SERPINB12: variants seen among roughly 807,000 people sequenced by gnomAD.
The protein encoded by SERPINB12 is serpin B12.
Under a neutral mutation model 41.1 loss-of-function variants are expected in SERPINB12, and 57 were observed. That is an observed-to-expected ratio of 1.39 (90% CI 1.12 to 1.73). SERPINB12 has a LOEUF of 1.73. SERPINB12 is among the 40% of genes most tolerant of loss of function. The pLI, the probability that SERPINB12 is intolerant of heterozygous loss-of-function variation, is 0.00. For synonymous variants in SERPINB12, 180 were observed against 181.3 expected, an observed-to-expected ratio of 0.99 and a Z score of 0.06; for missense variants, 536 against 501.9, an observed-to-expected ratio of 1.07 and a Z score of -0.65.
the SERPINB12 span, among the ~76,000 whole-genome samples, chr18:63,522,392 CA>C: frequency 1.3e-5 from 2 of 151,158 alleles, no homozygotes; most frequent in African/African-American, 2.4e-5. Context: ...GATCAATCAG[CA>C]AAAAAAAGTA....
chr18:63,528,513 A>G, the SERPINB12 span, among the ~76,000 whole-genome samples: 1 of 152,126 alleles, frequency 6.6e-6, no homozygotes, highest in African/African-American at 2.4e-5. Flanking sequence ...AATTTTGGCC[A>G]TCTTGTGCCT....
upstream of SERPINB12, among the ~76,000 whole-genome samples, chr18:63,538,024 GTATTTAA>G (rs1910207840): frequency 6.6e-6 from 1 of 152,030 alleles, no homozygotes; most frequent in Non-Finnish European, 1.5e-5. Context: ...ATCTACCATA[GTATTTAA>G]TAGGTGCTCA....
chr18:63,527,938 A>T, the SERPINB12 span, among the ~76,000 whole-genome samples: 1 of 151,872 alleles, frequency 6.6e-6, no homozygotes, highest in Non-Finnish European at 1.5e-5. Flanking sequence ...TGTTCTCATG[A>T]TAGTGAATAA....
intron 6 of SERPINB12, among the ~76,000 whole-genome samples, chr18:63,565,194 A>G (rs1259269293): frequency 6.6e-6 from 1 of 152,122 alleles, no homozygotes; most frequent in African/African-American, 2.4e-5. Context: ...CTCAGAAACA[A>G]AAAAGCAAAC....
chr18:63,558,999 CTTCCTTCTTTCTTTCTTTCT>C lies in SERPINB12; in HGVS notation c.303+517_303+536del, dbSNP rs1318928444. 2.4e-3 allele frequency among the ~76,000 whole-genome samples: 276 copies of C among 114,786 alleles called. 7 individuals carry two copies. The highest frequency in any genetic ancestry group is 0.022 in the Admixed American group (243 of 10,998). 75.3% of individuals were successfully genotyped at this position (114,786 alleles called of 152,430 possible). A position where few individuals can be genotyped will look rare whatever the true frequency, so the allele number is the denominator to read the frequency against. On this transcript the variant is annotated intron_variant, in intron 3 of 7. Coordinates refer to ENST00000382768, the MANE Select transcript of SERPINB12 (RefSeq NM_001307928.2). ...ATAGATGATTGTCTTTCTTTCTTTC[CTTCCTTCTTTCTTTCTTTCT>C]TTCTTTCTTTCTTTCTTTCTTTCTT...
the SERPINB12 span, among the ~76,000 whole-genome samples, chr18:63,525,831 C>G: frequency 1.3e-4 from 20 of 152,148 alleles, no homozygotes; most frequent in Non-Finnish European, 2.9e-4. Context: ...CAAGTAAGAA[C>G]TTTAAAGTAA....
rs1338779605 is a variant in SERPINB12, at chr18:63,568,047, T to G, written c.*1036T>G. Among the ~76,000 whole-genome samples, 1 of 152,212 alleles carries G rather than the reference T, an allele frequency of 6.6e-6. No homozygotes were observed. Among genetic ancestry groups the G allele is most frequent in the African/African-American group, 2.4e-5 (1 of 41,454 alleles). On this transcript the variant is annotated 3_prime_UTR_variant, in exon 8 of 8. Transcript: ENST00000382768. The stretch of plus-strand genomic sequence containing the variant: ...CCGAGAGGTCTCATGCCAGACCACA[T>G]GGTGACAACAGGCTTGAGCCTGGGC...
In SERPINB12 at chr18:63,556,299, G is replaced by C; in HGVS notation, c.140G>C (p.Arg47Thr). 1 of 1,614,046 alleles carries C rather than the reference G, an allele frequency of 6.2e-7. No homozygotes were observed. Among genetic ancestry groups the C allele is most frequent in the Non-Finnish European group, 8.5e-7 (1 of 1,179,946 alleles). The change falls in exon 2 of 8, where the codon AGA (arginine) becomes ACA (threonine). Residue 47 changes from arginine (R) to threonine (T), a missense_variant. Coordinates refer to ENST00000382768, the MANE Select transcript of SERPINB12 (RefSeq NM_001307928.2). ...CTTGGTATGGTACGCTTGGGTGCTA[G>C]AAGTGACAGTGCACATCAGATTGAT... Reference protein sequence around the residue: ...AALGMVRLGARSDSAHQIDEV... With the variant: ...AALGMVRLGATSDSAHQIDEV...
Position 63,567,002 on chromosome 18 carries a change from C to T in SERPINB12, c.1269C>T (p.Cys423=). ...CCATTCTCTTTTATGGCAGGGTCTG[C>T]TCTCCTTAAAAGGGGAGCAGTGTCT... ...TQTILFYGRV[C]SP Residue 423 remains cysteine, a synonymous_variant, in exon 8 of 8, where the codon TGC becomes TGT. Transcript: ENST00000382768. 1 of 1,586,872 alleles carries T rather than the reference C, an allele frequency of 6.3e-7. No individual in the cohort carries two copies. Among genetic ancestry groups the T allele is most frequent in the Middle Eastern group, 1.7e-4 (1 of 5,896 alleles).
intron 1 of SERPINB12, among the ~76,000 whole-genome samples, chr18:63,554,045 A>ACCCAGTT (rs1290234692): frequency 6.9e-6 from 1 of 144,140 alleles, no homozygotes; most frequent in Admixed American, 6.7e-5. Flanking sequence ...TACGTCTCAA[A>ACCCAGTT]CCCAGTTCCC....
the SERPINB12 span, among the ~76,000 whole-genome samples, chr18:63,525,001 C>T: frequency 1.3e-5 from 2 of 151,904 alleles, no homozygotes; most frequent in African/African-American, 4.8e-5. Flanking sequence ...CTACCAGTCT[C>T]GGCCTCCCAA....
At chr18:63,528,727 G>GA in the SERPINB12 span, among the ~76,000 whole-genome samples, 2 of 152,096 alleles carry the variant, frequency 1.3e-5, no homozygotes, top group Admixed American at 6.5e-5. Flanking sequence ...GAATTCACCG[G>GA]AAAAAAATGA....
chr18:63,557,465 T>C (rs535235014), intron 2 of SERPINB12, among the ~76,000 whole-genome samples: 2 of 152,208 alleles, frequency 1.3e-5, no homozygotes, highest in African/African-American at 4.8e-5. Context: ...CTTCCTTGGA[T>C]GTAGCACATA....
At chr18:63,530,859 C>T in the SERPINB12 span, among the ~76,000 whole-genome samples, 2 of 152,136 alleles carry the variant, frequency 1.3e-5, no homozygotes, top group Admixed American at 6.5e-5. Flanking sequence ...AAAACCTAAC[C>T]AAGGCGGCCG....
intron 6 of SERPINB12, among the ~76,000 whole-genome samples, chr18:63,564,512 C>G (rs962571108): frequency 6.6e-6 from 1 of 152,216 alleles, no homozygotes. Context: ...GGTTGGGTCC[C>G]AGCCACCCAC....
At position 63,559,651 on chromosome 18, in the gene SERPINB12, T is replaced by C. The variant is rs771750074; in HGVS notation, c.377T>C (p.Ile126Thr). 1 of 1,614,138 alleles carries C rather than the reference T, an allele frequency of 6.2e-7. No individual in the cohort carries two copies. Among genetic ancestry groups the C allele is most frequent in the Non-Finnish European group, 8.5e-7 (1 of 1,179,996 alleles). The change falls in exon 4 of 8, where the codon ATC becomes ACC. Residue 126 changes from isoleucine (I) to threonine (T), a missense_variant. Ile to Thr is a moderately conservative substitution (Grantham distance 89). Transcript: ENST00000382768. ...FGQLLSKLDR[I>T]KTDYTLSIAN... ...CAGCTTCTCTCCAAATTAGACAGGA[T>C]CAAGACTGATTACACACTGAGTATT...
chr18:63,564,546 T>C (rs1335224566), intron 6 of SERPINB12, among the ~76,000 whole-genome samples: 1 of 152,216 alleles, frequency 6.6e-6, no homozygotes, highest in Non-Finnish European at 1.5e-5. Context: ...AGCTTATTAC[T>C]GGAGATGCAT....
At chr18:63,563,896 C>CAA (rs72103593) in intron 5 of SERPINB12, 82 bp from the exon 6 acceptor site, 1,039 of 1,033,482 alleles carry the variant, frequency 1.0e-3, no homozygotes, top group African/African-American at 3.6e-3. Context: ...AACTCTGTCT[C>CAA]AAAAAAAAAA....
the SERPINB12 span, among the ~76,000 whole-genome samples, chr18:63,529,689 G>A: frequency 1.3e-5 from 2 of 152,080 alleles, no homozygotes; most frequent in Admixed American, 6.6e-5. Context: ...CTGTGTATGT[G>A]TGTGTGTGTG....
Sources: gnomAD v4.1 joint callset for allele counts (sites outside exome capture counted in the v4.1 genomes callset) on GRCh38, gnomAD v4.1.1 for gene constraint, MANE v1.5 for transcripts, NCBI Gene and HGNC (gene_info 2026-07-23, HGNC 2026-07-21) for gene names.